The following ACOXL variants were observed in gnomAD, a reference collection of about 807,000 sequenced individuals.
ACOXL encodes the protein acyl-CoA oxidase like, also known as acyl-coenzyme A oxidase-like protein.
A neutral mutation model predicts 71.9 loss-of-function variants in ACOXL; 70 were observed. The ratio of observed to expected loss-of-function variants is 0.97; its 90% CI spans 0.80 to 1.19. The LOEUF (loss-of-function observed/expected upper bound fraction) is 1.19. Among genes scored for constraint, ACOXL ranks in the 50% most tolerant of loss-of-function variants. The probability of loss-of-function intolerance (pLI) is 0.00; values close to 1 mark genes in which losing one functional copy is unlikely to be tolerated. For synonymous variants in ACOXL, 253 were observed against 281.6 expected, an observed-to-expected ratio of 0.90 and a Z score of 1.02; for missense variants, 703 against 736.3, an observed-to-expected ratio of 0.95 and a Z score of 0.52.
At chr2:110,809,263 G>A (rs866207170) in intron 9 of ACOXL, among the ~76,000 whole-genome samples, 62 of 152,368 alleles carry the variant, frequency 4.1e-4, no homozygotes, top group African/African-American at 1.4e-3. Flanking sequence ...CTGTAAGCAG[G>A]CACTGGGGTC....
At chr2:110,976,768 G>A (rs566278961) in intron 12 of ACOXL, among the ~76,000 whole-genome samples, 7 of 152,248 alleles carry the variant, frequency 4.6e-5, no homozygotes, top group Middle Eastern at 3.4e-3. Flanking sequence ...AAAGAAGCAG[G>A]AAGATTCTAG....
chr2:110,846,641 G>GCACACACACACACACA (rs61028803), intron 10 of ACOXL, among the ~76,000 whole-genome samples: 5,011 of 137,918 alleles, frequency 0.036, 154 homozygotes, highest in South Asian at 0.062. Context: ...ATGCATACAC[G>GCACACACACACACACA]CACACACACA....
intron 1 of ACOXL, among the ~76,000 whole-genome samples, chr2:110,754,865 C>T (rs1305080324): frequency 6.6e-6 from 1 of 152,194 alleles, no homozygotes; most frequent in Middle Eastern, 3.2e-3. Context: ...ATTGCGATTG[C>T]ACATGAAAAG....
chr2:111,008,375 A>G (rs1048124528), intron 14 of ACOXL, among the ~76,000 whole-genome samples: 2 of 151,916 alleles, frequency 1.3e-5, no homozygotes, highest in African/African-American at 4.8e-5. Flanking sequence ...CTTTTTTCCT[A>G]CATACCTCAT....
intron 1 of ACOXL, among the ~76,000 whole-genome samples, chr2:110,753,163 C>T (rs908550322): frequency 3.3e-5 from 5 of 152,012 alleles, no homozygotes; most frequent in Non-Finnish European, 4.4e-5. Context: ...CTCTTTCTTA[C>T]CCCCTCTCTT....
chr2:110,850,589 A>G (rs143107606), intron 10 of ACOXL, among the ~76,000 whole-genome samples: 2 of 152,356 alleles, frequency 1.3e-5, no homozygotes, highest in East Asian at 1.9e-4. Flanking sequence ...AGGATGGCTT[A>G]AAACTTCAAT....
chr2:111,108,034 T>A lies in ACOXL; in HGVS notation c.1543-9582T>A, dbSNP rs1459546383. 5.3e-5 allele frequency among the ~76,000 whole-genome samples: 8 copies of A among 152,194 alleles called. 1 individual carries two copies. Among genetic ancestry groups the A allele is most frequent in the Admixed American group, 4.6e-4 (7 of 15,274 alleles). ...CTTTGCTGGCTTGAGAACCATTCAA[T>A]CTTGATTCCTATGAGTCTAAGCCAG... On this transcript the variant is annotated intron_variant, in intron 17 of 17. Transcript: ENST00000439055.
intron 7 of ACOXL, among the ~76,000 whole-genome samples, chr2:110,801,171 C>T (rs528661015): frequency 1.3e-5 from 2 of 152,302 alleles, no homozygotes; most frequent in African/African-American, 4.8e-5. Flanking sequence ...TGGCTATTTT[C>T]CCTTGTCTTG....
At chr2:110,999,856 T>C (rs1384790) in intron 14 of ACOXL, among the ~76,000 whole-genome samples, 136,734 of 152,262 alleles carry the variant, frequency 0.9, 61,654 homozygotes, top group African/African-American at 0.97. Context: ...AGTCAACACT[T>C]GCTGCAACCT....
At chr2:110,968,218 G>T in intron 12 of ACOXL, 2 of 1,073,552 alleles carry the variant, frequency 1.9e-6, no homozygotes, top group South Asian at 1.2e-5. Context: ...GACTGGCAAT[G>T]AATACAATGT....
intron 10 of ACOXL, among the ~76,000 whole-genome samples, chr2:110,846,641 GCACACACACACA>G (rs61028803): frequency 3.6e-5 from 5 of 138,034 alleles, no homozygotes; most frequent in African/African-American, 1.1e-4. Context: ...ATGCATACAC[GCACACACACACA>G]CACACACACA....
intron 9 of ACOXL, among the ~76,000 whole-genome samples, chr2:110,827,727 C>T (rs1469495314): frequency 1.3e-5 from 2 of 151,940 alleles, no homozygotes; most frequent in Admixed American, 6.6e-5. Context: ...TCAGCTGACC[C>T]TGGAAAGGAA....
At chr2:110,907,850 A>C in intron 10 of ACOXL, among the ~76,000 whole-genome samples, 1 of 152,358 alleles carries the variant, frequency 6.6e-6, no homozygotes, top group African/African-American at 2.4e-5. Flanking sequence ...ATCAAATATA[A>C]GATTTTTAAA....
intron 1 of ACOXL, among the ~76,000 whole-genome samples, chr2:110,759,063 T>C (rs1680051039): frequency 6.6e-6 from 1 of 152,222 alleles, no homozygotes; most frequent in Admixed American, 6.5e-5. Flanking sequence ...TTTCAGTTCC[T>C]TTGCATTTGC....
intron 1 of ACOXL, among the ~76,000 whole-genome samples, chr2:110,761,566 C>CT (rs1680402753): frequency 6.6e-6 from 1 of 152,210 alleles, no homozygotes; most frequent in Non-Finnish European, 1.5e-5. Flanking sequence ...TTTATATGAG[C>CT]TTACATCGTT....
intron 17 of ACOXL, among the ~76,000 whole-genome samples, chr2:111,106,152 T>A (rs2069527637): frequency 6.6e-6 from 1 of 152,178 alleles, no homozygotes; most frequent in African/African-American, 2.4e-5. Context: ...TTAGGTTAAA[T>A]CATTTTTTAA....
rs1220211195 is a variant in ACOXL at position 110,987,114 on chromosome 2, G to A, written c.1066G>A (p.Gly356Arg). The part of the protein sequence containing the change: ...CRECTGGMVV[G>R]RELLAQYTKQ... Reference sequence around the variant, plus strand: ...CGATAAACTCTTTGCACAGGTTGTGGGGCGGGAACTGCTGGCCCAATACAC... The same window carrying A: ...CGATAAACTCTTTGCACAGGTTGTGAGGCGGGAACTGCTGGCCCAATACAC... The change falls in exon 13 of 18, where the codon GGG becomes AGG. Residue 356 changes from glycine to arginine, a missense_variant. By Grantham distance (125) the Gly-to-Arg change is moderately radical. Transcript: ENST00000439055. 6.4e-6 allele frequency: 10 copies of A among 1,566,678 alleles called. No homozygotes were observed. The Admixed American group carries it at 1.9e-4, about 29-fold the overall frequency.
intron 1 of ACOXL, among the ~76,000 whole-genome samples, chr2:110,738,650 T>A (rs1259360189): frequency 1.3e-5 from 2 of 152,188 alleles, no homozygotes; most frequent in Admixed American, 1.3e-4. Flanking sequence ...CATTGTTGTA[T>A]TATAGAATTT....
intron 17 of ACOXL, among the ~76,000 whole-genome samples, chr2:111,112,089 C>T (rs1373413949): frequency 6.6e-6 from 1 of 152,142 alleles, no homozygotes; most frequent in Non-Finnish European, 1.5e-5. Flanking sequence ...TTTCTCTATT[C>T]TAACATTTCA....
Sources: gnomAD v4.1 joint callset for allele counts (sites outside exome capture counted in the v4.1 genomes callset) on GRCh38, gnomAD v4.1.1 for gene constraint, MANE v1.5 for transcripts, NCBI Gene and HGNC (gene_info 2026-07-23, HGNC 2026-07-21) for gene names.